The following EIF2AK1 variants were observed in gnomAD, a reference collection of about 807,000 sequenced individuals.
The protein encoded by EIF2AK1 is eukaryotic translation initiation factor 2-alpha kinase 1.
A neutral mutation model predicts 77.9 loss-of-function variants in EIF2AK1; 54 were observed. The ratio of observed to expected loss-of-function variants is 0.69; its 90% CI spans 0.56 to 0.87. The LOEUF is 0.87. Ranked by LOEUF, EIF2AK1 falls within the 40% of genes least tolerant of loss-of-function variation. The pLI is 0.00. For synonymous variants in EIF2AK1, 314 were observed against 290.5 expected (o/e 1.08, Z -0.82); for missense variants, 810 against 768.6 (o/e 1.05, Z -0.64).
Position 6,035,914 on chromosome 7 carries a change from G to C in EIF2AK1, c.1332+1510C>G. On this transcript the variant is annotated intron_variant, in intron 11 of 14. Transcript: ENST00000199389. This position sits in a 1 kb window ranked among gnomAD's most constrained non-coding sequence, Gnocchi z 5.5. ...CTCGGGGCGGGGGTCAGCTGCATCC[G>C]TCTGCTACTCACTCACGGAGCCAAA... The C allele has an allele frequency of 1.3e-6, 2 of 1,547,012 alleles. No homozygotes were observed. Among genetic ancestry groups the C allele is most frequent in the East Asian group, 2.4e-5 (1 of 40,864 alleles).
chr7:6,031,261 A>C (rs968744589), intron 11 of EIF2AK1: 1 of 1,026,854 alleles, frequency 9.7e-7, no homozygotes, highest in Admixed American at 2.4e-5. Context: ...TCACAGATCC[A>C]ATTCTCGACA....
At position 6,032,841 on chromosome 7, in the gene EIF2AK1, G is replaced by A. The variant is rs749857719; in HGVS notation, c.1333-3809C>T. 3.6e-5 allele frequency: 56 copies of A among 1,550,554 alleles called. No homozygotes were observed. The highest frequency in any genetic ancestry group is 4.1e-5 in the Non-Finnish European group (47 of 1,146,830). On this transcript the variant is annotated intron_variant, in intron 11 of 14. Transcript: ENST00000199389. This position sits in a 1 kb window ranked among gnomAD's most constrained non-coding sequence, Gnocchi z 4.3. ...TGTGTTTTGTTTTCCCTCCAAAGCCGACAGAGTCTATCATCCCCATCCATC... is the reference window on the plus strand; with the variant it reads ...TGTGTTTTGTTTTCCCTCCAAAGCCAACAGAGTCTATCATCCCCATCCATC...
At chr7:6,025,705 A>G (rs1400516226) in intron 14 of EIF2AK1, among the ~76,000 whole-genome samples, 1 of 151,992 alleles carries the variant, frequency 6.6e-6, no homozygotes, top group Non-Finnish European at 1.5e-5. Flanking sequence ...GTGTGATCTC[A>G]GCTCACTGCA....
At position 6,038,796 on chromosome 7, in the gene EIF2AK1, C is replaced by A. The variant is rs1195823922; in HGVS notation, c.1120-125G>T. 4.5e-6 allele frequency: 3 copies of A among 659,428 alleles called. No individual in the cohort carries two copies. The East Asian group carries it at 9.9e-5, about 22-fold the overall frequency. The allele number at this position is 659,428 out of a possible 1,614,324, so 40.8% of individuals were successfully genotyped here. A position where few individuals can be genotyped will look rare whatever the true frequency, so the allele number is the denominator to read the frequency against. On this transcript the variant is annotated intron_variant, in intron 9 of 14. Coordinates refer to ENST00000199389, the MANE Select transcript of EIF2AK1 (RefSeq NM_014413.4). ...TAGGCCTCTAGGGAAGTCATTAAAC[C>A]TGTGTGGACTTCTCTTTGCAAGACA... is the stretch of plus-strand genomic sequence containing the variant.
chr7:6,053,333 G>T (rs927321280), intron 2 of EIF2AK1, among the ~76,000 whole-genome samples: 1 of 152,030 alleles, frequency 6.6e-6, no homozygotes, highest in Admixed American at 6.6e-5. Flanking sequence ...TCCCTTCTTT[G>T]TGTTACAAAC....
At chr7:6,044,515 TA>T (rs749713386) in intron 7 of EIF2AK1, 46 bp downstream of exon 7, 2 of 1,532,558 alleles carry the variant, frequency 1.3e-6, no homozygotes, top group Non-Finnish European at 1.8e-6. Context: ...GTGCACGGGC[TA>T]AAGTTTGCCA....
At chr7:6,049,715 C>A in intron 3 of EIF2AK1, 197 bp downstream of exon 3, 1 of 453,046 alleles carries the variant, frequency 2.2e-6, no homozygotes, top group Non-Finnish European at 3.8e-6. Context: ...CAGCCTTGAA[C>A]TCCTGGCCTC....
chr7:6,040,810 C>G (rs1179183498), intron 9 of EIF2AK1, 82 bp downstream of exon 9: 7 of 1,181,258 alleles, frequency 5.9e-6, no homozygotes, highest in Non-Finnish European at 8.6e-6. Flanking sequence ...AGCGCCAGAG[C>G]TGAGAGAGGG....
In EIF2AK1 at chr7:6,040,962, T is replaced by G; in HGVS notation, c.1049A>C (p.His350Pro). The change falls in exon 9 of 15, where the codon CAC becomes CCC. Residue 350 changes from histidine to proline, a missense_variant. Physicochemically the swap from His to Pro is moderately conservative, Grantham distance 77 (BLOSUM62 -2). Around this residue, in one of 3 missense-constraint regions of EIF2AK1, gnomAD observed 549 missense variants for 533.7 expected, o/e 1.03. Coordinates refer to ENST00000199389, the MANE Select transcript of EIF2AK1 (RefSeq NM_014413.4). ...EQQLPLRRNS[H>P]LEESFTSTEE... The stretch of plus-strand genomic sequence containing the variant: ...GGTGGATGTGAAACTCTCCTCTAGG[T>G]GGGAATTACGCCTGAGTGGCAGCTG... 1 of 1,614,116 alleles carries G rather than the reference T, an allele frequency of 6.2e-7. No individual in the cohort carries two copies. The highest frequency in any genetic ancestry group is 8.5e-7 in the Non-Finnish European group (1 of 1,180,008).
chr7:6,056,635 T>A (rs1417768248), intron 1 of EIF2AK1, among the ~76,000 whole-genome samples: 7 of 127,002 alleles, frequency 5.5e-5, no homozygotes, highest in Admixed American at 8.4e-5. Context: ...TATATATATA[T>A]AAACTCTGTC....
At chr7:6,048,234 A>G (rs909152677) in intron 4 of EIF2AK1, among the ~76,000 whole-genome samples, 1 of 151,434 alleles carries the variant, frequency 6.6e-6, no homozygotes, top group Admixed American at 6.6e-5. Flanking sequence ...ATTAGCTTTC[A>G]CTCCCCATCC....
chr7:6,038,379 A>G (rs3857757), intron 10 of EIF2AK1, among the ~76,000 whole-genome samples, 181 bp downstream of exon 10: 125,193 of 152,122 alleles, frequency 0.82, 51,816 homozygotes, highest in East Asian at 0.92. Flanking sequence ...AGGCTATAGT[A>G]AGCAGTGGGT....
At chr7:6,041,947 A>AAC (rs34830771) in intron 8 of EIF2AK1, among the ~76,000 whole-genome samples, 18,192 of 152,050 alleles carry the variant, frequency 0.12, 1,360 homozygotes, top group Middle Eastern at 0.21. Context: ...CCAGGAGTTC[A>AAC]ACACTAGCCT....
chr7:6,046,760 G>A (rs1050435608), intron 5 of EIF2AK1: 1 of 359,724 alleles, frequency 2.8e-6, no homozygotes, highest in Non-Finnish European at 5.0e-6. Context: ...AAATTAGCTG[G>A]GTGTAGTAGC....
rs528849887 is a variant in EIF2AK1, at chr7:6,027,027, G to A, written c.1531-66C>T. ...AAGTTAGAAGAACGTTTCCATTTCCGTGTTCCACCCTCCAAACAGGAGAGG... is the reference window on the plus strand; with the variant it reads ...AAGTTAGAAGAACGTTTCCATTTCCATGTTCCACCCTCCAAACAGGAGAGG... On this transcript the variant is annotated intron_variant, in intron 13 of 14. Transcript: ENST00000199389. The surrounding 1 kb of genome is among the most constrained non-coding windows in gnomAD (Gnocchi z 4.5). The A allele has an allele frequency of 2.8e-4, 366 of 1,330,034 alleles. No individual in the cohort carries two copies. Among genetic ancestry groups the A allele is most frequent in the Middle Eastern group, 2.0e-3 (11 of 5,468 alleles). 82.4% of individuals were successfully genotyped at this position (1,330,034 alleles called of 1,614,324 possible).
rs1469882703 is a variant in EIF2AK1, at chr7:6,032,952, C to T, written c.1333-3920G>A. 30 of 1,539,632 alleles carry T rather than the reference C, an allele frequency of 1.9e-5. No homozygotes were observed. The East Asian group carries it at 3.7e-4, about 19-fold the overall frequency. On this transcript the variant is annotated intron_variant, in intron 11 of 14. Transcript: ENST00000199389. The surrounding 1 kb of genome is among the most constrained non-coding windows in gnomAD (Gnocchi z 4.3). ...CAGAAGTCAGGTAAGTTAACTCCAC[C>T]GAAAATCATTTCTTTTTTTTTCTTT... is the stretch of plus-strand genomic sequence containing the variant.
rs1022792814 is a variant in EIF2AK1, at chr7:6,023,615, C to T, written c.*1058G>A. The T allele has an allele frequency of 1.9e-5, 31 of 1,614,168 alleles. No individual in the cohort carries two copies. The highest frequency in any genetic ancestry group is 2.5e-5 in the Non-Finnish European group (29 of 1,180,026). On this transcript the variant is annotated 3_prime_UTR_variant, in exon 15 of 15. Transcript: ENST00000199389. ...ATCGGAGGCTGCAGTGTGACAGTGC[C>T]AGCCAATGTGCAGAGGTGGATGAGG...
chr7:6,056,611 A>ATATATATATATAT (rs1360501857), intron 1 of EIF2AK1, among the ~76,000 whole-genome samples: 1 of 31,160 alleles, frequency 3.2e-5, no homozygotes, highest in Non-Finnish European at 7.7e-5. Context: ...AAAAAAAAAA[A>ATATATATATATAT]AAATATATAT....
Position 6,035,815 on chromosome 7 carries a change from G to T in EIF2AK1, c.1332+1609C>A. ...ATTGCCTATGGAGCAAACGTCAACT[G>T]TGCTGTCTCTTCCACGGGGAACACG... On this transcript the variant is annotated intron_variant, in intron 11 of 14. Coordinates refer to ENST00000199389, the MANE Select transcript of EIF2AK1 (RefSeq NM_014413.4). The surrounding 1 kb of genome is among the most constrained non-coding windows in gnomAD (Gnocchi z 5.5). The T allele has an allele frequency of 6.5e-7, 1 of 1,550,240 alleles. No homozygotes were observed. The highest frequency in any genetic ancestry group is 8.7e-7 in the Non-Finnish European group (1 of 1,146,408).
Sources: allele counts gnomAD v4.1 joint callset (sites outside exome capture counted in the v4.1 genomes callset), GRCh38; gene constraint gnomAD v4.1.1; regional missense constraint gnomAD v4.1.1; non-coding constraint Gnocchi (gnomAD v3.1); transcripts MANE v1.5; gene names NCBI Gene and HGNC (gene_info 2026-07-23, HGNC 2026-07-21).